Variants in CHIA observed in about 807,000 individuals in gnomAD.
CHIA encodes acidic mammalian chitinase.
In CHIA, 47 loss-of-function variants were observed where a neutral mutation model predicts 53.5. The observed-to-expected ratio is 0.88, with a 90% CI of 0.70 to 1.12. The LOEUF (loss-of-function observed/expected upper bound fraction) is 1.12, where lower values mean the gene tolerates loss of function less well. Among genes scored for constraint, CHIA ranks in the 50% most tolerant of loss-of-function variants. The pLI is 0.00. For synonymous variants in CHIA, 268 were observed against 222.2 expected, an observed-to-expected ratio of 1.21 and a Z score of -1.83; for missense variants, 652 against 592.2, an observed-to-expected ratio of 1.10 and a Z score of -1.05.
chr1:111,315,682 A>G (rs774977968), intron 6 of CHIA: 48 of 550,086 alleles, frequency 8.7e-5, no homozygotes, highest in South Asian at 3.6e-4. Context: ...TTTCATCTTC[A>G]TATTTACTCT....
intron 1 of CHIA, among the ~76,000 whole-genome samples, chr1:111,304,014 T>C (rs1647978454): frequency 6.6e-6 from 1 of 152,142 alleles, no homozygotes; most frequent in African/African-American, 2.4e-5. Flanking sequence ...AGAAAAAAGA[T>C]TTTTGGTTGA....
At chr1:111,311,794 G>C in intron 3 of CHIA, 76 bp downstream of exon 3, 1 of 1,492,846 alleles carries the variant, frequency 6.7e-7, no homozygotes, top group Non-Finnish European at 9.3e-7. Flanking sequence ...GAGAGCCGCT[G>C]TTTGCTTCAC....
chr1:111,314,438 A>G (rs1648974555), intron 4 of CHIA, 102 bp from the exon 5 acceptor site: 1 of 779,826 alleles, frequency 1.3e-6, no homozygotes, highest in African/African-American at 1.8e-5. Context: ...TACAAAAGGC[A>G]AAACAAAAAT....
intron 4 of CHIA, among the ~76,000 whole-genome samples, chr1:111,313,172 A>G (rs1648823698): frequency 6.6e-6 from 1 of 152,216 alleles, no homozygotes; most frequent in South Asian, 2.1e-4. Context: ...TAAACCCAGT[A>G]GTGTAACTGC....
At chr1:111,294,329 A>G (rs1661210769) in intron 1 of CHIA, among the ~76,000 whole-genome samples, 1 of 152,158 alleles carries the variant, frequency 6.6e-6, no homozygotes, top group African/African-American at 2.4e-5. Context: ...ATTGTAAATG[A>G]AATTATTTTT....
At chr1:111,303,760 A>C (rs965824733) in intron 1 of CHIA, among the ~76,000 whole-genome samples, 8 of 152,196 alleles carry the variant, frequency 5.3e-5, no homozygotes, top group Non-Finnish European at 1.2e-4. Flanking sequence ...TGGAGAACAA[A>C]AAGTGGAGTT....
intron 11 of CHIA, 62 bp downstream of exon 11, chr1:111,319,530 C>A (rs1649480350): frequency 4.6e-6 from 7 of 1,513,564 alleles, no homozygotes; most frequent in African/African-American, 4.1e-5. Context: ...CAAAAAGCAA[C>A]CCTGATGTCT....
intron 3 of CHIA, 136 bp from the exon 4 acceptor site, chr1:111,312,054 T>G: frequency 2.9e-6 from 2 of 689,504 alleles, no homozygotes. Context: ...TTTGCAAGAG[T>G]GTTCATACTA....
chr1:111,318,704 T>C, intron 9 of CHIA, 26 bp downstream of exon 9: 1 of 1,598,726 alleles, frequency 6.3e-7, no homozygotes, highest in African/African-American at 1.3e-5. Flanking sequence ...TGAAAAGTGC[T>C]CTGTGAATTC....
chr1:111,297,152 C>T (rs917739453), intron 1 of CHIA, among the ~76,000 whole-genome samples: 1 of 152,220 alleles, frequency 6.6e-6, no homozygotes, highest in East Asian at 1.9e-4. Flanking sequence ...AAACACTCTG[C>T]AGGATATTAT....
In CHIA at chr1:111,315,011, T is replaced by G. The variant is rs2786154; in HGVS notation, c.315-259T>G. The stretch of plus-strand genomic sequence containing the variant: ...GGGAGGGAACACAGTGTGCTGGGTT[T>G]GCCAGGTATCCAAAGAAACAAGGGC... On this transcript the variant is annotated intron_variant, in intron 5 of 11. Transcript: ENST00000369740. 6.6e-3 allele frequency: 3,040 copies of G among 457,256 alleles called. 75 individuals are homozygous for G. Among genetic ancestry groups the G allele is most frequent in the African/African-American group, 0.05 (2,528 of 50,664 alleles). 28.3% of individuals were successfully genotyped at this position (457,256 alleles called of 1,614,324 possible). A position where few individuals can be genotyped will look rare whatever the true frequency, so the allele number is the denominator to read the frequency against.
intron 1 of CHIA, among the ~76,000 whole-genome samples, chr1:111,301,906 G>C (rs1647778519): frequency 1.3e-5 from 2 of 152,048 alleles, no homozygotes; most frequent in African/African-American, 4.8e-5. Context: ...GCCTGTTGCG[G>C]GGTGGGGGAT....
At chr1:111,299,650 C>G (rs1647537112) in intron 1 of CHIA, among the ~76,000 whole-genome samples, 2 of 152,152 alleles carry the variant, frequency 1.3e-5, no homozygotes, top group African/African-American at 2.4e-5. Context: ...TGGGCAAAAA[C>G]TGGAAGCATT....
chr1:111,304,868 T>C (rs910885151), intron 1 of CHIA, among the ~76,000 whole-genome samples: 3 of 152,186 alleles, frequency 2.0e-5, no homozygotes, highest in African/African-American at 7.2e-5. Context: ...AAAAGCAGAT[T>C]CTCCCCTTTC....
At chr1:111,311,491 G>A (rs1217841101) in intron 2 of CHIA, among the ~76,000 whole-genome samples, 198 bp from the exon 3 acceptor site, 1 of 152,162 alleles carries the variant, frequency 6.6e-6, no homozygotes, top group East Asian at 1.9e-4. Context: ...TGAGACGAAG[G>A]TACCACGGTC....
chr1:111,314,489 G>T, intron 4 of CHIA, 51 bp from the exon 5 acceptor site: 1 of 1,244,796 alleles, frequency 8.0e-7, no homozygotes, highest in South Asian at 1.2e-5. Flanking sequence ...ATTTTAAATG[G>T]AGGGAGTCCT....
chr1:111,319,626 G>A (rs1011123177), intron 11 of CHIA, among the ~76,000 whole-genome samples, 158 bp downstream of exon 11: 1 of 152,172 alleles, frequency 6.6e-6, no homozygotes, highest in Non-Finnish European at 1.5e-5. Context: ...ACCCTTGAAC[G>A]GCCATGTCAG....
At position 111,320,295 on chromosome 1, in the gene CHIA, TGGAGGCAGCTCG is replaced by T. The variant is rs779585241; in HGVS notation, c.1269_1280del (p.Ser424_Ser427del). 78 of 1,614,190 alleles carry T rather than the reference TGGAGGCAGCTCG, an allele frequency of 4.8e-5. 1 individual carries two copies. In the South Asian group the frequency reaches 8.2e-4, roughly 17 times the overall value. On this transcript the variant is annotated inframe_deletion, in exon 12 of 12. Coordinates refer to ENST00000369740, the MANE Select transcript of CHIA (RefSeq NM_201653.4). Reference sequence around the variant, plus strand: ...GGAACGGGAGCGGGAGTAGCAGCTCTGGAGGCAGCTCGGGAGGCAGTGGATTCTGTGCTGTCA... The same window carrying T: ...GGAACGGGAGCGGGAGTAGCAGCTCTGGAGGCAGTGGATTCTGTGCTGTCA...
At chr1:111,317,632 A>G in intron 6 of CHIA, 49 bp from the exon 7 acceptor site, 1 of 1,602,000 alleles carries the variant, frequency 6.2e-7, no homozygotes, top group Non-Finnish European at 8.6e-7. Flanking sequence ...TTATTTAAGG[A>G]GCTAAAATCA....
Sources: allele counts gnomAD v4.1 joint callset (sites outside exome capture counted in the v4.1 genomes callset), GRCh38; gene constraint gnomAD v4.1.1; transcripts MANE v1.5; gene names NCBI Gene and HGNC (gene_info 2026-07-23, HGNC 2026-07-21).